Variants in IMMP2L observed in about 807,000 individuals in gnomAD.
IMMP2L encodes mitochondrial inner membrane protease subunit 2.
IMMP2L carries 18 observed loss-of-function variants against 19.3 expected under a neutral mutation model. The observed-to-expected ratio is 0.93, with a 90% confidence interval of 0.64 to 1.38. The LOEUF (loss-of-function observed/expected upper bound fraction) is 1.38. Among genes scored for constraint, IMMP2L ranks in the 40% most tolerant of loss-of-function variants. The pLI is 0.00. For missense variants in IMMP2L, 233 were observed against 218.2 expected, an observed-to-expected ratio of 1.07 and a Z score of -0.43; for synonymous variants, 76 against 73.0, an observed-to-expected ratio of 1.04 and a Z score of -0.21.
At chr7:111,552,821 T>C (rs1790829414) in intron 1 of IMMP2L, among the ~76,000 whole-genome samples, 1 of 152,164 alleles carries the variant, frequency 6.6e-6, no homozygotes, top group African/African-American at 2.4e-5. Flanking sequence ...GGTGTATGAC[T>C]TCCACAGGTA....
In IMMP2L at chr7:111,029,150, T is replaced by C. The variant is rs114280363; in HGVS notation, c.240-65585A>G. 8.6e-3 allele frequency among the ~76,000 whole-genome samples: 1,311 copies of C among 152,304 alleles called. 15 individuals are homozygous for C. Among genetic ancestry groups the C allele is most frequent in the African/African-American group, 0.03 (1,232 of 41,574 alleles). On this transcript the variant is annotated intron_variant, in intron 3 of 5. Transcript: ENST00000405709. ...AGTCACTTATTGCTTGAGTTCTCAA[T>C]AGATTTAAAAGTCATGGACATTGAT...
chr7:111,267,664 T>C (rs1817974432), intron 3 of IMMP2L, among the ~76,000 whole-genome samples: 1 of 152,306 alleles, frequency 6.6e-6, no homozygotes, highest in African/African-American at 2.4e-5. Context: ...CAATCTTTAA[T>C]AGACTTAATA....
At chr7:110,975,242 T>G (rs1464375454) in intron 3 of IMMP2L, among the ~76,000 whole-genome samples, 1 of 152,140 alleles carries the variant, frequency 6.6e-6, no homozygotes, top group Non-Finnish European at 1.5e-5. Context: ...AAATGTATGG[T>G]AAATGACCAT....
Position 111,546,892 on chromosome 7 carries a change from T to C in IMMP2L, c.-3+14959A>G, listed in dbSNP as rs531166938. On this transcript the variant is annotated intron_variant, in intron 1 of 5. Coordinates refer to ENST00000405709, the MANE Select transcript of IMMP2L (RefSeq NM_032549.4). ...AAAAATGAGAAGATATGATCCAAAT[T>C]TTAAAAATGAAACAAAGGCCCAGGT... Among the ~76,000 whole-genome samples the C allele has an allele frequency of 4.3e-4, 66 of 152,272 alleles. 2 individuals are homozygous for C. The highest frequency in any genetic ancestry group is 4.3e-3 in the Admixed American group (65 of 15,286).
intron 3 of IMMP2L, among the ~76,000 whole-genome samples, chr7:111,281,481 T>G (rs1041884976): frequency 1.3e-5 from 2 of 152,170 alleles, no homozygotes; most frequent in Non-Finnish European, 2.9e-5. Context: ...CCATAGCATT[T>G]GAAGTCTATA....
chr7:111,107,453 T>G (rs577860794), intron 3 of IMMP2L, among the ~76,000 whole-genome samples: 1 of 152,176 alleles, frequency 6.6e-6, no homozygotes, highest in South Asian at 2.1e-4. Context: ...AAATTCTGGA[T>G]AGTTCTTTGT....
At chr7:111,498,937 C>T (rs762762638) in intron 2 of IMMP2L, among the ~76,000 whole-genome samples, 17 of 151,912 alleles carry the variant, frequency 1.1e-4, no homozygotes, top group Non-Finnish European at 1.8e-4. Context: ...AACTGAAAAG[C>T]ATTCTGGCAG....
At chr7:111,429,831 T>C (rs1394127615) in intron 3 of IMMP2L, among the ~76,000 whole-genome samples, 1 of 151,906 alleles carries the variant, frequency 6.6e-6, no homozygotes, top group Non-Finnish European at 1.5e-5. Context: ...CACTAGTTTG[T>C]TTATTGGACA....
intron 5 of IMMP2L, among the ~76,000 whole-genome samples, chr7:110,713,022 C>T (rs574930213): frequency 6.6e-6 from 1 of 152,318 alleles, no homozygotes; most frequent in African/African-American, 2.4e-5. Flanking sequence ...ATTCGGCCAT[C>T]TTCGTATGAC....
chr7:111,003,961 T>C (rs1171733282), intron 3 of IMMP2L, among the ~76,000 whole-genome samples: 2 of 152,224 alleles, frequency 1.3e-5, no homozygotes, highest in Non-Finnish European at 2.9e-5. Context: ...TATTCTCACC[T>C]AGTACCTATT....
intron 3 of IMMP2L, among the ~76,000 whole-genome samples, chr7:111,292,340 G>A (rs1438863758): frequency 1.3e-5 from 2 of 152,034 alleles, no homozygotes; most frequent in Non-Finnish European, 2.9e-5. Context: ...GGCTTCAGGA[G>A]AAAAAGGGAA....
chr7:111,559,300 G>A (rs12705777), intron 1 of IMMP2L, among the ~76,000 whole-genome samples: 118,660 of 152,016 alleles, frequency 0.78, 47,950 homozygotes, highest in East Asian at 0.97. Flanking sequence ...TCCACAACTT[G>A]GCAAAATCAT....
At chr7:110,923,925 T>C (rs1038381177) in intron 4 of IMMP2L, among the ~76,000 whole-genome samples, 4 of 152,172 alleles carry the variant, frequency 2.6e-5, no homozygotes, top group African/African-American at 7.2e-5. Context: ...TTGCTAGTGA[T>C]TGACAAGAGA....
chr7:111,013,350 A>G (rs1825176791), intron 3 of IMMP2L, among the ~76,000 whole-genome samples: 1 of 152,172 alleles, frequency 6.6e-6, no homozygotes, highest in African/African-American at 2.4e-5. Flanking sequence ...GGCCAATGAA[A>G]AGGCTTCTAC....
intron 3 of IMMP2L, among the ~76,000 whole-genome samples, chr7:111,086,256 AAAAAAAAAAG>A (rs1169241049): frequency 7.0e-6 from 1 of 143,302 alleles, no homozygotes; most frequent in Non-Finnish European, 1.5e-5. Flanking sequence ...CTACTCAAAG[AAAAAAAAAAG>A]AAAAAAAAAA....
intron 5 of IMMP2L, among the ~76,000 whole-genome samples, chr7:110,856,709 A>T (rs945630608): frequency 6.6e-6 from 1 of 152,060 alleles, no homozygotes; most frequent in Non-Finnish European, 1.5e-5. Context: ...ATTTAATGAA[A>T]ATTTACGTCA....
chr7:110,670,321 T>C (rs971979370), intron 5 of IMMP2L, among the ~76,000 whole-genome samples: 8 of 152,154 alleles, frequency 5.3e-5, no homozygotes, highest in African/African-American at 1.7e-4. Flanking sequence ...AGAAAATAAA[T>C]TTCTGTTGTT....
chr7:110,670,280 T>C (rs372560721), intron 5 of IMMP2L, among the ~76,000 whole-genome samples: 1 of 152,192 alleles, frequency 6.6e-6, no homozygotes, highest in Non-Finnish European at 1.5e-5. Context: ...TACTGAACCC[T>C]TGATCTTGGA....
intron 3 of IMMP2L, among the ~76,000 whole-genome samples, chr7:111,066,122 G>A (rs995413801): frequency 1.3e-5 from 2 of 151,858 alleles, no homozygotes; most frequent in Non-Finnish European, 2.9e-5. Flanking sequence ...GGGACTACAG[G>A]TGCACGTCAC....
Sources: gnomAD v4.1 joint callset for allele counts (sites outside exome capture counted in the v4.1 genomes callset) on GRCh38, gnomAD v4.1.1 for gene constraint, MANE v1.5 for transcripts, NCBI Gene and HGNC (gene_info 2026-07-23, HGNC 2026-07-21) for gene names.